LATS1: variants seen among roughly 807,000 people sequenced by gnomAD.
The protein encoded by LATS1 is serine/threonine-protein kinase LATS1.
In LATS1, 25 loss-of-function variants were observed where a neutral mutation model predicts 106.6. That is an observed-to-expected ratio of 0.23 (90% CI 0.17 to 0.33). LATS1 has a LOEUF of 0.33. LATS1 is among the 10% of genes least tolerant of loss of function. The pLI is 1.00. For missense variants in LATS1, 1,040 were observed against 1,382.6 expected, an observed-to-expected ratio of 0.75 and a Z score of 3.93; for synonymous variants, 465 against 455.6, an observed-to-expected ratio of 1.02 and a Z score of -0.26.
At chr6:149,663,637 C>T (rs1780992358) in intron 7 of LATS1, among the ~76,000 whole-genome samples, 6 of 151,972 alleles carry the variant, frequency 3.9e-5, no homozygotes, top group Admixed American at 3.9e-4. Flanking sequence ...TTATTTGTTC[C>T]TTTTAAAGTC....
intron 7 of LATS1, among the ~76,000 whole-genome samples, chr6:149,667,395 T>C (rs749615304): frequency 2.2e-4 from 27 of 123,048 alleles, no homozygotes; most frequent in Non-Finnish European, 3.6e-4. Flanking sequence ...GCTGAAATCA[T>C]GCCTCCGCAC....
In LATS1 at chr6:149,661,909, A is replaced by G. The variant is rs777152400; in HGVS notation, c.3213T>C (p.Pro1071=). Residue 1071 remains proline (P), a synonymous_variant, in exon 8 of 8, where the codon CCT becomes CCC. Transcript: ENST00000543571. The stretch of plus-strand genomic sequence containing the variant: ...AGGTAAATTCATAGAATGCATGTTC[A>G]GGATGCTTTCCATTTTTATACCATC... ...LNGWYKNGKH[P]EHAFYEFTFR... is the part of the protein sequence containing the mutation. 1 of 1,614,002 alleles carries G rather than the reference A, an allele frequency of 6.2e-7. No homozygotes were observed. The highest frequency in any genetic ancestry group is 1.7e-5 in the Admixed American group (1 of 59,986).
At position 149,660,368 on chromosome 6, in the gene LATS1, A is replaced by C. The variant is rs372273386; in HGVS notation, c.*1361T>G. On this transcript the variant is annotated 3_prime_UTR_variant, in exon 8 of 8. Coordinates refer to ENST00000543571, the MANE Select transcript of LATS1 (RefSeq NM_004690.4). ...ACAGCTCTGCCTTTAATTTTACTACATATACGGTTTCAATTAGCTTTTATG... is the reference window on the plus strand; with the variant it reads ...ACAGCTCTGCCTTTAATTTTACTACCTATACGGTTTCAATTAGCTTTTATG... The C allele has an allele frequency of 1.3e-5, 3 of 233,018 alleles. No individual in the cohort carries two copies. The highest frequency in any genetic ancestry group is 1.8e-4 in the South Asian group (1 of 5,534). The allele number at this position is 233,018 out of a possible 1,614,324, so 14.4% of individuals were successfully genotyped here.
Position 149,676,699 on chromosome 6 carries a change from C to T in LATS1, c.2632G>A (p.Glu878Lys). Residue 878 changes from glutamate (E) to lysine (K), a missense_variant, in exon 6 of 8, where the codon GAA becomes AAA. Glu to Lys is a moderately conservative substitution (Grantham distance 56). Around this residue, in one of 7 missense-constraint regions of LATS1, gnomAD observed 63 missense variants for 64.3 expected, o/e 0.98. Coordinates refer to ENST00000543571, the MANE Select transcript of LATS1 (RefSeq NM_004690.4). ...CGACAGCTTGAGGGATCCCCCCATT[C>T]ATTACTGAAATCCATGCTATCTTGC... ...PRQDSMDFSN[E>K]WGDPSSCRCG... The T allele has an allele frequency of 6.2e-7, 1 of 1,613,990 alleles. No individual in the cohort carries two copies. The highest frequency in any genetic ancestry group is 8.5e-7 in the Non-Finnish European group (1 of 1,179,924).
Position 149,683,973 on chromosome 6 carries a change from T to C in LATS1, c.1116A>G (p.Pro372=), listed in dbSNP as rs1434348398. ...VVPAGTVNRQ[P]PPPYPLTAAN... is the part of the protein sequence containing the mutation. ...CTGCTGTCAGAGGATATGGAGGTGG[T>C]GGCTGCCGATTCACAGTGCCAGCAG... Residue 372 remains proline (P), a synonymous_variant, in exon 4 of 8, where the codon CCA becomes CCG. Transcript: ENST00000543571. The C allele has an allele frequency of 6.8e-6, 11 of 1,614,258 alleles. No homozygotes were observed. The highest frequency in any genetic ancestry group is 9.3e-6 in the Non-Finnish European group (11 of 1,180,052).
Position 149,710,254 on chromosome 6 carries a change from T to C in LATS1, c.-141+7595A>G, listed in dbSNP as rs116671536. On this transcript the variant is annotated intron_variant, in intron 1 of 7. Coordinates refer to ENST00000543571, the MANE Select transcript of LATS1 (RefSeq NM_004690.4). The stretch of plus-strand genomic sequence containing the variant: ...TCCTGAGGGCTGTGTCATGGGGCAA[T>C]AGCCATTCATATTTGGCTTAGAATA... Among the ~76,000 whole-genome samples the C allele has an allele frequency of 1.6e-3, 247 of 152,312 alleles. 1 individual carries two copies. Among genetic ancestry groups the C allele is most frequent in the African/African-American group, 5.5e-3 (228 of 41,582 alleles).
rs147482558 is a variant in LATS1 at position 149,701,850 on chromosome 6, T to C, written c.277A>G (p.Asn93Asp). ...NSLLPFANET[N>D]SSRSTSEVNP... ...ACTTCTGAAGTACTCCGAGAAGAAT[T>C]TGTTTCATTTGCAAATGGAAGCAGA... The change falls in exon 2 of 8, where the codon AAT becomes GAT. Residue 93 changes from asparagine to aspartate, a missense_variant. Around this residue, in one of 7 missense-constraint regions of LATS1, gnomAD observed 624 missense variants for 714.8 expected, o/e 0.87. Transcript: ENST00000543571. 38 of 1,614,066 alleles carry C rather than the reference T, an allele frequency of 2.4e-5. No homozygotes were observed. Among genetic ancestry groups the C allele is most frequent in the South Asian group, 1.8e-4 (16 of 91,084 alleles).
At position 149,705,739 on chromosome 6, in the gene LATS1, T is replaced by C. The variant is rs191629595; in HGVS notation, c.-140-3473A>G. The stretch of plus-strand genomic sequence containing the variant: ...ACAAATGCAGGTAACTTGCCCCTTC[T>C]TTCTGCTGTTAAAAAAATACAGCAT... On this transcript the variant is annotated intron_variant, in intron 1 of 7. Coordinates refer to ENST00000543571, the MANE Select transcript of LATS1 (RefSeq NM_004690.4). Among the ~76,000 whole-genome samples the C allele has an allele frequency of 1.6e-3, 241 of 152,310 alleles. 1 individual carries two copies. Among genetic ancestry groups the C allele is most frequent in the African/African-American group, 5.5e-3 (227 of 41,566 alleles).
chr6:149,704,149 A>G (rs1783618884), intron 1 of LATS1, among the ~76,000 whole-genome samples: 1 of 152,066 alleles, frequency 6.6e-6, no homozygotes, highest in Non-Finnish European at 1.5e-5. Flanking sequence ...GATTACAGGC[A>G]TGCACCACCG....
chr6:149,685,673 A>G (rs752438947), intron 3 of LATS1, among the ~76,000 whole-genome samples: 4 of 152,208 alleles, frequency 2.6e-5, no homozygotes, highest in African/African-American at 4.8e-5. Flanking sequence ...GGTGTGAGCC[A>G]CTGCACCTGG....
At chr6:149,705,165 T>C (rs1783693200) in intron 1 of LATS1, among the ~76,000 whole-genome samples, 2 of 152,154 alleles carry the variant, frequency 1.3e-5, no homozygotes. Context: ...ACATGAATAA[T>C]ATAATTATTT....
intron 3 of LATS1, among the ~76,000 whole-genome samples, chr6:149,693,166 C>T (rs994359512): frequency 1.3e-5 from 2 of 151,482 alleles, no homozygotes; most frequent in Non-Finnish European, 2.9e-5. Context: ...TGGAGGCTGA[C>T]GCTGGAGAAC....
chr6:149,713,971 CT>C (rs1316130913), intron 1 of LATS1, among the ~76,000 whole-genome samples: 1 of 150,132 alleles, frequency 6.7e-6, no homozygotes, highest in Non-Finnish European at 1.5e-5. Context: ...CTCTTTTTTT[CT>C]TTTATCATTA....
At chr6:149,672,404 T>G (rs1420965857) in intron 7 of LATS1, among the ~76,000 whole-genome samples, 2 of 150,842 alleles carry the variant, frequency 1.3e-5, no homozygotes, top group Non-Finnish European at 2.9e-5. Flanking sequence ...GAGACAGGGT[T>G]TCACAATTTG....
At position 149,662,310 on chromosome 6, in the gene LATS1, CA is replaced by C. The variant is rs1484743790; in HGVS notation, c.2884-73del. 24 of 1,255,936 alleles carry C rather than the reference CA, an allele frequency of 1.9e-5. No homozygotes were observed. The East Asian group carries it at 5.0e-4, about 26-fold the overall frequency. 77.8% of individuals were successfully genotyped at this position (1,255,936 alleles called of 1,614,324 possible). A position where few individuals can be genotyped will look rare whatever the true frequency, so the allele number is the denominator to read the frequency against. Reference sequence around the variant, plus strand: ...TAAAGATTTCCTTCAAGTTTTATACCAAAAGTCTCACTGGGCTATTTTTGTA... The same window carrying C: ...TAAAGATTTCCTTCAAGTTTTATACCAAAGTCTCACTGGGCTATTTTTGTA... On this transcript the variant is annotated intron_variant, in intron 7 of 7. Coordinates refer to ENST00000543571, the MANE Select transcript of LATS1 (RefSeq NM_004690.4).
chr6:149,673,232 G>A (rs1256291076), intron 7 of LATS1, among the ~76,000 whole-genome samples: 1 of 150,810 alleles, frequency 6.6e-6, no homozygotes, highest in African/African-American at 2.5e-5. Context: ...TGAGTAGCTG[G>A]GACTACAGGT....
chr6:149,715,666 A>G (rs1784340522), intron 1 of LATS1, among the ~76,000 whole-genome samples: 2 of 152,226 alleles, frequency 1.3e-5, no homozygotes, highest in African/African-American at 4.8e-5. Context: ...CTTAAAATAA[A>G]TTCCCAGAAG....
intron 1 of LATS1, among the ~76,000 whole-genome samples, chr6:149,706,954 T>C (rs1424936548): frequency 1.3e-5 from 2 of 152,002 alleles, no homozygotes; most frequent in African/African-American, 4.8e-5. Context: ...TACTGAATAT[T>C]CTAACATATA....
At position 149,661,660 on chromosome 6, in the gene LATS1, T is replaced by G; in HGVS notation, c.*69A>C. On this transcript the variant is annotated 3_prime_UTR_variant, in exon 8 of 8. Transcript: ENST00000543571. ...CTGTCATATTTGCATAATTTTACTCTCAGAACCTCAAAACACCTCGCATTT... is the reference window on the plus strand; with the variant it reads ...CTGTCATATTTGCATAATTTTACTCGCAGAACCTCAAAACACCTCGCATTT... 2 of 1,373,642 alleles carry G rather than the reference T, an allele frequency of 1.5e-6. No individual in the cohort carries two copies. Among genetic ancestry groups the G allele is most frequent in the Non-Finnish European group, 9.8e-7 (1 of 1,015,862 alleles). 85.1% of individuals were successfully genotyped at this position (1,373,642 alleles called of 1,614,324 possible).
Sources: gnomAD v4.1 joint callset for allele counts (sites outside exome capture counted in the v4.1 genomes callset) on GRCh38, gnomAD v4.1.1 for gene constraint, gnomAD v4.1.1 regional missense constraint, MANE v1.5 for transcripts, NCBI Gene and HGNC (gene_info 2026-07-23, HGNC 2026-07-21) for gene names.